PTK2: variants seen among roughly 807,000 people sequenced by gnomAD.
PTK2 encodes protein tyrosine kinase 2, also known as focal adhesion kinase 1.
PTK2 carries 45 observed loss-of-function variants against 150.1 expected under a neutral mutation model. The ratio of observed to expected loss-of-function variants is 0.30; its 90% confidence interval spans 0.24 to 0.38. PTK2 has a LOEUF of 0.38. Ranked by LOEUF, PTK2 falls within the 10% of genes least tolerant of loss-of-function variation. The probability of loss-of-function intolerance (pLI) is 1.00; values close to 1 mark genes in which losing one functional copy is unlikely to be tolerated. For synonymous variants in PTK2, 432 were observed against 449.2 expected (o/e 0.96, Z 0.48); for missense variants, 919 against 1,307.3 (o/e 0.70, Z 4.58).
At chr8:140,879,261 TG>T in intron 4 of PTK2, 1 of 443,610 alleles carries the variant, frequency 2.3e-6, no homozygotes, top group Non-Finnish European at 3.8e-6. Flanking sequence ...GGAAATCAGA[TG>T]GCTCAAAGTA....
intron 2 of PTK2, 67 bp from the exon 3 acceptor site, chr8:140,890,836 T>C: frequency 7.5e-7 from 1 of 1,335,188 alleles, no homozygotes; most frequent in Non-Finnish European, 1.1e-6. Flanking sequence ...ATGTGATATG[T>C]TGTTTATATC....
chr8:140,936,516 T>C (rs2100173687), intron 1 of PTK2, among the ~76,000 whole-genome samples: 1 of 152,076 alleles, frequency 6.6e-6, no homozygotes, highest in Non-Finnish European at 1.5e-5. Context: ...CCTGACTCAC[T>C]GCACCCGACC....
chr8:140,764,926 G>A (rs1162961484), intron 14 of PTK2: 1 of 152,192 alleles, frequency 6.6e-6, no homozygotes, highest in African/African-American at 2.4e-5. Flanking sequence ...ATATTACAAT[G>A]AGGTTTTTTG....
At chr8:140,731,920 C>T (rs939837932) in intron 22 of PTK2, among the ~76,000 whole-genome samples, 3 of 152,116 alleles carry the variant, frequency 2.0e-5, no homozygotes, top group South Asian at 4.2e-4. Flanking sequence ...AAAATACACA[C>T]GCATACACTC....
chr8:140,699,083 A>T (rs774620087), intron 26 of PTK2, among the ~76,000 whole-genome samples: 4 of 150,776 alleles, frequency 2.7e-5, no homozygotes, highest in Non-Finnish European at 4.4e-5. Flanking sequence ...AAAAATAACA[A>T]TTTTTTTTTC....
intron 8 of PTK2, among the ~76,000 whole-genome samples, chr8:140,820,203 G>A (rs543813214): frequency 3.5e-5 from 5 of 141,094 alleles, no homozygotes; most frequent in Non-Finnish European, 6.0e-5. Flanking sequence ...AGGCTCAAGC[G>A]ATTCTCCTGC....
rs903699669 is a variant in PTK2 at position 140,869,579 on chromosome 8, C to CT, written c.363-5181dup. On this transcript the variant is annotated intron_variant, in intron 4 of 31. Transcript: ENST00000522684. ...TTGGACAATACATAAGTAGTAAAAC[C>CT]TTTTTTTTTTAAGCAAAAAAATGAT... Among the ~76,000 whole-genome samples, 182 of 146,378 alleles carry CT rather than the reference C, an allele frequency of 1.2e-3. 1 individual carries two copies. Among genetic ancestry groups the CT allele is most frequent in the South Asian group, 0.011 (49 of 4,642 alleles).
intron 5 of PTK2, among the ~76,000 whole-genome samples, chr8:140,861,765 C>T (rs964671191): frequency 1.1e-4 from 16 of 152,096 alleles, no homozygotes; most frequent in Non-Finnish European, 7.4e-5. Context: ...AATCACAGAG[C>T]TATTATATAC....
chr8:140,917,728 CAAG>C (rs2100165857), intron 2 of PTK2, among the ~76,000 whole-genome samples: 1 of 151,568 alleles, frequency 6.6e-6, no homozygotes, highest in East Asian at 1.9e-4. Flanking sequence ...AACTATTTGT[CAAG>C]AAGAAAAAAA....
At chr8:140,991,087 T>A (rs1332642855) in intron 1 of PTK2, among the ~76,000 whole-genome samples, 1 of 152,186 alleles carries the variant, frequency 6.6e-6, no homozygotes, top group Non-Finnish European at 1.5e-5. Context: ...TTAAGCGACA[T>A]CACCAACTTC....
chr8:140,844,337 G>A (rs535380268), intron 7 of PTK2, among the ~76,000 whole-genome samples: 115 of 152,258 alleles, frequency 7.6e-4, no homozygotes, highest in South Asian at 5.0e-3. Context: ...TAGCTCATAC[G>A]TTAGAGGTGG....
chr8:140,939,466 G>A (rs1049475846), intron 1 of PTK2, among the ~76,000 whole-genome samples: 5 of 152,158 alleles, frequency 3.3e-5, no homozygotes, highest in African/African-American at 7.2e-5. Flanking sequence ...GATAGATTTA[G>A]GATCCAGTTT....
At chr8:140,865,264 A>G (rs748957655) in intron 4 of PTK2, among the ~76,000 whole-genome samples, 18 of 152,300 alleles carry the variant, frequency 1.2e-4, no homozygotes, top group Non-Finnish European at 1.5e-4. Flanking sequence ...GGGTCTCACT[A>G]TGCTGCCCAG....
chr8:140,994,153 A>G (rs1165968892), intron 1 of PTK2, among the ~76,000 whole-genome samples: 1 of 152,226 alleles, frequency 6.6e-6, no homozygotes, highest in Admixed American at 6.5e-5. Flanking sequence ...CATTGTAAGG[A>G]AATACTTTCA....
chr8:140,706,201 C>A (rs771970301), exon 24 of PTK2: 1 of 1,611,506 alleles, frequency 6.2e-7, no homozygotes, highest in African/African-American at 1.3e-5. Context: ...ACCCGGTCTG[C>A]TGGGCTGTAA....
intron 1 of PTK2, among the ~76,000 whole-genome samples, chr8:140,933,791 G>A (rs1167955520): frequency 6.6e-6 from 1 of 151,946 alleles, no homozygotes; most frequent in African/African-American, 2.4e-5. Context: ...TTGGGGTGAG[G>A]GAAATTTCTA....
chr8:140,838,572 C>T (rs1381621916), intron 7 of PTK2, among the ~76,000 whole-genome samples: 1 of 152,104 alleles, frequency 6.6e-6, no homozygotes, highest in African/African-American at 2.4e-5. Flanking sequence ...TGACTCATAC[C>T]TATAATCTCA....
intron 1 of PTK2, among the ~76,000 whole-genome samples, chr8:140,971,500 G>C (rs1569525075): frequency 6.6e-6 from 1 of 152,174 alleles, no homozygotes; most frequent in African/African-American, 2.4e-5. Context: ...TTAGAGTCAA[G>C]ACTCAAATTT....
intron 23 of PTK2, 103 bp downstream of exon 26, chr8:140,717,495 T>C: frequency 2.3e-6 from 2 of 867,698 alleles, no homozygotes; most frequent in South Asian, 1.4e-5. Context: ...ACTCTTAGAA[T>C]AACCTGATAT....
Sources: allele counts gnomAD v4.1 joint callset (sites outside exome capture counted in the v4.1 genomes callset), GRCh38; gene constraint gnomAD v4.1.1; transcripts MANE v1.5; gene names NCBI Gene and HGNC (gene_info 2026-07-23, HGNC 2026-07-21).